SKAP1: variants seen among roughly 807,000 people sequenced by gnomAD.
SKAP1 encodes src kinase associated phosphoprotein 1.
In SKAP1, 44 loss-of-function variants were observed where a neutral mutation model predicts 58.5. That is an observed-to-expected ratio of 0.75 (90% CI 0.59 to 0.97). The LOEUF (loss-of-function observed/expected upper bound fraction) is 0.97, where lower values mean the gene tolerates loss of function less well. Ranked by LOEUF, SKAP1 falls within the 50% of genes least tolerant of loss-of-function variation. SKAP1 has a pLI of 0.00. For missense variants in SKAP1, 390 were observed against 435.2 expected, an observed-to-expected ratio of 0.90 and a Z score of 0.92; for synonymous variants, 127 against 149.7, an observed-to-expected ratio of 0.85 and a Z score of 1.11.
chr17:48,346,120 T>C (rs774383059), intron 3 of SKAP1, 114 bp from the exon 4 acceptor site: 6 of 539,208 alleles, frequency 1.1e-5, no homozygotes, highest in Non-Finnish European at 1.3e-5. Flanking sequence ...AAAAAAAGTG[T>C]ATCTTTTACT....
intron 1 of SKAP1, among the ~76,000 whole-genome samples, chr17:48,402,047 G>A (rs2067504826): frequency 6.6e-6 from 1 of 152,102 alleles, no homozygotes; most frequent in Admixed American, 6.6e-5. Context: ...TAGCCATCAG[G>A]GAAATGCAAA....
At chr17:48,392,007 C>T (rs2067354366) in intron 2 of SKAP1, among the ~76,000 whole-genome samples, 3 of 151,976 alleles carry the variant, frequency 2.0e-5, no homozygotes, top group Admixed American at 2.0e-4. Flanking sequence ...AAAAGTAAAA[C>T]TCTCTATATA....
intron 4 of SKAP1, among the ~76,000 whole-genome samples, chr17:48,245,027 C>CT (rs1199306552): frequency 1.3e-5 from 2 of 152,212 alleles, no homozygotes; most frequent in African/African-American, 2.4e-5. Context: ...CACCCCTTTA[C>CT]TTTCAGAATT....
intron 1 of SKAP1, among the ~76,000 whole-genome samples, chr17:48,405,449 C>CT (rs533481901): frequency 1.5e-5 from 1 of 65,196 alleles, no homozygotes; most frequent in Non-Finnish European, 3.0e-5. Context: ...TTCTTTCTTT[C>CT]TTTTCTTTCT....
At position 48,396,767 on chromosome 17, in the gene SKAP1, G is replaced by A; in HGVS notation, c.65C>T (p.Ala22Val). Residue 22 changes from alanine (A) to valine (V), a missense_variant, in exon 2 of 13, where the codon GCA becomes GTA. By Grantham distance (64) the Ala-to-Val change is moderately conservative (BLOSUM62 0). Transcript: ENST00000336915. Reference sequence around the variant, plus strand: ...GAGGTTCTCATTCCGCAAACCTTCTGCCAGAAACTCTTCAGCATCTAAAAG... The same window carrying A: ...GAGGTTCTCATTCCGCAAACCTTCTACCAGAAACTCTTCAGCATCTAAAAG... ...WLLEDAEEFL[A>V]EGLRNENLSA... 6.2e-7 allele frequency: 1 copy of A among 1,612,752 alleles called. No individual in the cohort carries two copies. Among genetic ancestry groups the A allele is most frequent in the Non-Finnish European group, 8.5e-7 (1 of 1,179,054 alleles).
chr17:48,411,233 C>G (rs1443530127), intron 1 of SKAP1, among the ~76,000 whole-genome samples: 1 of 151,832 alleles, frequency 6.6e-6, no homozygotes, highest in African/African-American at 2.4e-5. Flanking sequence ...AACCCCATCT[C>G]TACCAAAAAT....
intron 4 of SKAP1, among the ~76,000 whole-genome samples, chr17:48,198,379 C>T (rs1181180947): frequency 3.7e-5 from 5 of 134,754 alleles, no homozygotes; most frequent in African/African-American, 1.1e-4. Context: ...GGCATGAACC[C>T]GGGAGGCGGA....
upstream of SKAP1, among the ~76,000 whole-genome samples, chr17:48,435,073 C>T (rs894929529): frequency 6.6e-6 from 1 of 152,086 alleles, no homozygotes; most frequent in Non-Finnish European, 1.5e-5. Flanking sequence ...ATTGTTTGAG[C>T]CCAGGAGTTC....
chr17:48,410,867 C>A (rs940124374), intron 1 of SKAP1, among the ~76,000 whole-genome samples: 1 of 134,026 alleles, frequency 7.5e-6, no homozygotes, highest in African/African-American at 2.8e-5. Flanking sequence ...GTGGAGGTTG[C>A]AGTGAGCCAA....
intron 1 of SKAP1, 88 bp downstream of exon 1, chr17:48,429,987 G>C (rs1042804179): frequency 4.8e-5 from 53 of 1,101,178 alleles, no homozygotes; most frequent in Admixed American, 8.5e-5. Flanking sequence ...GAGTGACGAA[G>C]CCGTAAAGAA....
chr17:48,382,538 A>G (rs2067229135), intron 2 of SKAP1: 1 of 152,238 alleles, frequency 6.6e-6, no homozygotes, highest in South Asian at 2.1e-4. Flanking sequence ...TGTCCAGAGA[A>G]ACTTCTCTAG....
At chr17:48,280,835 T>C (rs779942034) in intron 4 of SKAP1, among the ~76,000 whole-genome samples, 3 of 152,160 alleles carry the variant, frequency 2.0e-5, no homozygotes, top group Non-Finnish European at 2.9e-5. Flanking sequence ...CATGTAGTTG[T>C]GTGTATCAGT....
chr17:48,154,404 AC>A (rs1236902525), intron 11 of SKAP1, among the ~76,000 whole-genome samples: 1 of 152,100 alleles, frequency 6.6e-6, no homozygotes, highest in Admixed American at 6.5e-5. Flanking sequence ...GATGACCCAG[AC>A]CCTGGTGTGT....
intron 2 of SKAP1, among the ~76,000 whole-genome samples, chr17:48,374,142 G>A (rs182040456): frequency 7.3e-5 from 11 of 151,642 alleles, no homozygotes; most frequent in South Asian, 2.1e-4. Context: ...TCAAGCCATC[G>A]TTCCACCTTA....
intron 4 of SKAP1, among the ~76,000 whole-genome samples, chr17:48,333,568 C>T (rs559965712): frequency 2.0e-5 from 3 of 152,102 alleles, no homozygotes; most frequent in African/African-American, 4.8e-5. Context: ...AAAGCTGAGA[C>T]GTTTTATATT....
intron 4 of SKAP1, among the ~76,000 whole-genome samples, chr17:48,190,860 C>T (rs533566747): frequency 1.6e-4 from 25 of 152,272 alleles, no homozygotes; most frequent in African/African-American, 6.0e-4. Context: ...TGGCACACAC[C>T]TGTAATCCCA....
chr17:48,207,223 G>T (rs1481145095), intron 4 of SKAP1, among the ~76,000 whole-genome samples: 1 of 152,020 alleles, frequency 6.6e-6, no homozygotes, highest in African/African-American at 2.4e-5. Flanking sequence ...GGTGACTCAC[G>T]CCTGTAATCC....
chr17:48,267,553 C>T (rs2065568337), intron 4 of SKAP1, among the ~76,000 whole-genome samples: 1 of 151,986 alleles, frequency 6.6e-6, no homozygotes, highest in African/African-American at 2.4e-5. Context: ...CAAATTATTG[C>T]CCTATATTAA....
At chr17:48,296,952 G>C (rs2065984713) in intron 4 of SKAP1, among the ~76,000 whole-genome samples, 1 of 151,884 alleles carries the variant, frequency 6.6e-6, no homozygotes, top group Non-Finnish European at 1.5e-5. Context: ...TCCTGAAAAT[G>C]ACCTTTATCA....
Sources: allele counts gnomAD v4.1 joint callset (sites outside exome capture counted in the v4.1 genomes callset), GRCh38; gene constraint gnomAD v4.1.1; transcripts MANE v1.5; gene names NCBI Gene and HGNC (gene_info 2026-07-23, HGNC 2026-07-21).